The following SRRM3 variants were observed in gnomAD, a reference collection of about 807,000 sequenced individuals.
SRRM3 encodes the protein serine/arginine repetitive matrix protein 3.
A neutral mutation model predicts 66.2 loss-of-function variants in SRRM3; 27 were observed. The observed-to-expected ratio is 0.41, with a 90% confidence interval of 0.30 to 0.56. The LOEUF is 0.56. Ranked by LOEUF, SRRM3 falls within the 20% of genes least tolerant of loss-of-function variation. SRRM3 has a pLI of 0.32. For missense variants in SRRM3, 918 were observed against 991.9 expected (o/e 0.93, Z 1.00); for synonymous variants, 391 against 414.9 (o/e 0.94, Z 0.70).
At chr7:76,215,857 G>C (rs1800556212) in intron 1 of SRRM3, among the ~76,000 whole-genome samples, 1 of 148,064 alleles carries the variant, frequency 6.8e-6, no homozygotes, top group East Asian at 2.0e-4. Flanking sequence ...GAGTGCAGTG[G>C]TGCGATCTTG....
At chr7:76,233,228 G>A (rs781875225) in intron 1 of SRRM3, among the ~76,000 whole-genome samples, 1 of 152,118 alleles carries the variant, frequency 6.6e-6, no homozygotes, top group African/African-American at 2.4e-5. Context: ...GGAGGATATC[G>A]CTTGAGCTCA....
intron 3 of SRRM3, among the ~76,000 whole-genome samples, chr7:76,259,162 C>A (rs2117053864): frequency 7.2e-6 from 1 of 138,810 alleles, no homozygotes; most frequent in South Asian, 2.3e-4. Context: ...CAGAATAGGA[C>A]AGTAGGGTTA....
chr7:76,237,565 A>C (rs1282048732), intron 2 of SRRM3, among the ~76,000 whole-genome samples: 1 of 151,974 alleles, frequency 6.6e-6, no homozygotes. Context: ...ACGGAGGGAG[A>C]CTCCATCTCA....
Position 76,282,959 on chromosome 7 carries a change from C to T in SRRM3, c.1596-5C>T. The T allele has an allele frequency of 5.2e-6, 7 of 1,356,336 alleles. No individual in the cohort carries two copies. The highest frequency in any genetic ancestry group is 6.6e-6 in the Non-Finnish European group (7 of 1,059,132). 84.0% of individuals were successfully genotyped at this position (1,356,336 alleles called of 1,614,324 possible). ...TCGCTCACTTACCTCGCGCCGGCCCCGCAGGGACAAGGACGGCGAGGGCCG... is the reference window on the plus strand; with the variant it reads ...TCGCTCACTTACCTCGCGCCGGCCCTGCAGGGACAAGGACGGCGAGGGCCG... On this transcript the variant is annotated splice_polypyrimidine_tract_variant and splice_region_variant and intron_variant, in intron 13 of 14. Coordinates refer to ENST00000611745, the MANE Select transcript of SRRM3 (RefSeq NM_001110199.3).
intron 11 of SRRM3, among the ~76,000 whole-genome samples, chr7:76,276,263 C>T (rs1377332089): frequency 6.6e-6 from 1 of 152,154 alleles, no homozygotes; most frequent in Non-Finnish European, 1.5e-5. Context: ...CCCAGCACCT[C>T]CTTTGTGCCA....
intron 1 of SRRM3, among the ~76,000 whole-genome samples, chr7:76,231,884 G>T (rs571272950): frequency 1.3e-5 from 2 of 152,288 alleles, no homozygotes; most frequent in South Asian, 4.1e-4. Flanking sequence ...GGGGAAACAG[G>T]ACTCCAGCGG....
chr7:76,214,069 C>A (rs868993859), intron 1 of SRRM3, among the ~76,000 whole-genome samples: 2 of 152,102 alleles, frequency 1.3e-5, no homozygotes, highest in African/African-American at 2.4e-5. Context: ...TGAACCACTG[C>A]GCCCAACCCT....
chr7:76,277,733 AAAG>A (rs1431416279), intron 11 of SRRM3, among the ~76,000 whole-genome samples: 3,535 of 145,048 alleles, frequency 0.024, 100 homozygotes, highest in East Asian at 0.19. Context: ...AAAAAAAAAA[AAAG>A]AGAGAGAGAG....
rs1197310596 is a variant in SRRM3 at position 76,248,076 on chromosome 7, C to T, written c.234-112C>T. ...TGACCTTGGACAGGTTATTGCAAGC[C>T]GGAGTGTGCACTTGTGACCCAGGGG... On this transcript the variant is annotated intron_variant, in intron 2 of 14. Transcript: ENST00000611745. The T allele has an allele frequency of 9.4e-6, 7 of 746,158 alleles. No homozygotes were observed. In the African/African-American group the frequency reaches 1.2e-4, roughly 13 times the overall value. 46.2% of individuals were successfully genotyped at this position (746,158 alleles called of 1,614,324 possible).
chr7:76,265,317 C>T (rs1563634068), intron 9 of SRRM3, 47 bp from the exon 10 acceptor site: 3 of 1,456,764 alleles, frequency 2.1e-6, no homozygotes, highest in Non-Finnish European at 2.8e-6. Context: ...GGGGGGATCA[C>T]GGGGGGCAGA....
At chr7:76,251,745 C>A (rs1801587321) in intron 3 of SRRM3, among the ~76,000 whole-genome samples, 1 of 151,748 alleles carries the variant, frequency 6.6e-6, no homozygotes, top group African/African-American at 2.4e-5. Context: ...GCCTGGGCAA[C>A]AGAGCAAGAC....
intron 1 of SRRM3, among the ~76,000 whole-genome samples, chr7:76,228,830 C>G (rs575509586): frequency 6.6e-6 from 1 of 152,062 alleles, no homozygotes; most frequent in Non-Finnish European, 1.5e-5. Flanking sequence ...CCCACCTCCC[C>G]CTAATTTGTG....
At chr7:76,266,391 T>G (rs1802045391) in intron 10 of SRRM3, among the ~76,000 whole-genome samples, 1 of 112,942 alleles carries the variant, frequency 8.9e-6, no homozygotes, top group South Asian at 2.3e-4. Flanking sequence ...ATTTAATATA[T>G]TTATATATTT....
chr7:76,244,470 G>C (rs1801387296), intron 2 of SRRM3, among the ~76,000 whole-genome samples: 1 of 149,436 alleles, frequency 6.7e-6, no homozygotes, highest in Non-Finnish European at 1.5e-5. Flanking sequence ...GTTGCAGTGA[G>C]CCGAGATTGT....
chr7:76,285,368 C>G lies in SRRM3; in HGVS notation c.1734-247C>G, dbSNP rs1179692451. ...CGTGAGCCACCGCGCCCAGCCTCAA[C>G]AAGTATTTATTAGCAGGTGTTCGGA... On this transcript the variant is annotated intron_variant, in intron 14 of 14. Coordinates refer to ENST00000611745, the MANE Select transcript of SRRM3 (RefSeq NM_001110199.3). This position sits in a 1 kb window ranked among gnomAD's most constrained non-coding sequence, Gnocchi z 4.1. The G allele has an allele frequency of 3.7e-6, 2 of 534,438 alleles. No individual in the cohort carries two copies. Among genetic ancestry groups the G allele is most frequent in the Admixed American group, 3.3e-5 (1 of 29,966 alleles). The allele number at this position is 534,438 out of a possible 1,614,324, so 33.1% of individuals were successfully genotyped here.
chr7:76,233,388 G>T (rs1801059057), intron 1 of SRRM3, among the ~76,000 whole-genome samples: 1 of 152,144 alleles, frequency 6.6e-6, no homozygotes, highest in African/African-American at 2.4e-5. Flanking sequence ...GGTCAATAGG[G>T]GTCTCCAAGC....
chr7:76,264,837 C>T, intron 9 of SRRM3, 22 bp downstream of exon 9: 1 of 1,612,870 alleles, frequency 6.2e-7, no homozygotes. Context: ...CCCTACTCTC[C>T]AGCCCCCCAT....
chr7:76,206,645 C>T (rs1021374324), intron 1 of SRRM3, among the ~76,000 whole-genome samples: 3 of 152,172 alleles, frequency 2.0e-5, no homozygotes, highest in African/African-American at 7.2e-5. Flanking sequence ...GTGGGTGAGC[C>T]GGGTTCAGGC....
At chr7:76,278,597 G>A (rs927693934) in intron 11 of SRRM3, among the ~76,000 whole-genome samples, 4 of 152,202 alleles carry the variant, frequency 2.6e-5, no homozygotes, top group Admixed American at 2.0e-4. Flanking sequence ...GCTCAGAGGG[G>A]CACCCCAAAA....
Sources: allele counts gnomAD v4.1 joint callset (sites outside exome capture counted in the v4.1 genomes callset), GRCh38; gene constraint gnomAD v4.1.1; non-coding constraint Gnocchi (gnomAD v3.1); transcripts MANE v1.5; gene names NCBI Gene and HGNC (gene_info 2026-07-23, HGNC 2026-07-21).